The following NDUFV2 variants were observed in gnomAD, a reference collection of about 807,000 sequenced individuals.
NDUFV2 encodes NADH dehydrogenase [ubiquinone] flavoprotein 2, mitochondrial.
Under a neutral mutation model 31.6 loss-of-function variants are expected in NDUFV2, and 18 were observed. The observed-to-expected ratio is 0.57, with a 90% CI of 0.39 to 0.84. The LOEUF (loss-of-function observed/expected upper bound fraction) is 0.84. NDUFV2 is among the 40% of genes least tolerant of loss of function. NDUFV2 has a pLI of 0.00. For synonymous variants in NDUFV2, 83 were observed against 99.8 expected, an observed-to-expected ratio of 0.83 and a Z score of 1.01; for missense variants, 314 against 303.6, an observed-to-expected ratio of 1.03 and a Z score of -0.26.
At chr18:9,126,973 A>G in intron 7 of NDUFV2, 66 bp downstream of exon 7, 1 of 1,305,652 alleles carries the variant, frequency 7.7e-7, no homozygotes, top group Non-Finnish European at 1.1e-6. Flanking sequence ...GATAAACTTG[A>G]TTTAAAAAAT....
intron 1 of NDUFV2, among the ~76,000 whole-genome samples, chr18:9,108,315 A>G (rs1239019319): frequency 1.3e-5 from 2 of 152,138 alleles, no homozygotes; most frequent in Non-Finnish European, 2.9e-5. Flanking sequence ...TATTTGGAGG[A>G]TGTTTGTAAA....
At chr18:9,120,483 A>T (rs1231740119) in intron 4 of NDUFV2, among the ~76,000 whole-genome samples, 1 of 152,148 alleles carries the variant, frequency 6.6e-6, no homozygotes, top group Non-Finnish European at 1.5e-5. Flanking sequence ...ACTGACTATA[A>T]CAGAGATTTT....
intron 1 of NDUFV2, among the ~76,000 whole-genome samples, chr18:9,107,325 T>A (rs1294517856): frequency 1.3e-5 from 2 of 152,220 alleles, no homozygotes; most frequent in African/African-American, 4.8e-5. Context: ...GAACATTGAG[T>A]AATAAATTAC....
chr18:9,129,929 A>T (rs1193411456), intron 7 of NDUFV2, among the ~76,000 whole-genome samples: 2 of 152,214 alleles, frequency 1.3e-5, no homozygotes, highest in Admixed American at 1.3e-4. Flanking sequence ...ATGTGGGACT[A>T]AGGATTTATG....
At chr18:9,112,662 T>G (rs2077877597) in intron 1 of NDUFV2, 1 of 152,170 alleles carries the variant, frequency 6.6e-6, no homozygotes, top group African/African-American at 2.4e-5. Context: ...TTTGTATTTT[T>G]TGGTAGAGAT....
intron 1 of NDUFV2, among the ~76,000 whole-genome samples, chr18:9,114,855 T>C (rs2077890220): frequency 6.6e-6 from 1 of 152,210 alleles, no homozygotes; most frequent in Non-Finnish European, 1.5e-5. Context: ...AGCAAGAGAA[T>C]GCCTCAGAAT....
chr18:9,104,945 C>T, intron 1 of NDUFV2: 5 of 1,550,596 alleles, frequency 3.2e-6, no homozygotes, highest in Non-Finnish European at 4.4e-6. Context: ...ACATAACAGA[C>T]CTTACAGACA....
chr18:9,120,173 G>A (rs190160010), intron 4 of NDUFV2, among the ~76,000 whole-genome samples: 6 of 152,062 alleles, frequency 3.9e-5, no homozygotes, highest in East Asian at 1.9e-4. Flanking sequence ...AAGTTTATTC[G>A]TATCCTGTTA....
In NDUFV2 at chr18:9,119,486, A is replaced by G; in HGVS notation, c.196A>G (p.Ile66Val). ...TTCTTTTATACAGAGGATAGAGGCAATTGTAAAAAACTATCCAGAAGGCCA... is the reference window on the plus strand; with the variant it reads ...TTCTTTTATACAGAGGATAGAGGCAGTTGTAAAAAACTATCCAGAAGGCCA... Reference protein sequence around the residue: ...TPENYKRIEAIVKNYPEGHKA... With the variant: ...TPENYKRIEAVVKNYPEGHKA... The change falls in exon 4 of 8, where the codon ATT becomes GTT. Residue 66 changes from isoleucine (I) to valine (V), a missense_variant. Ile to Val is a conservative substitution (Grantham distance 29). Coordinates refer to ENST00000318388, the MANE Select transcript of NDUFV2 (RefSeq NM_021074.5). 6.2e-7 allele frequency: 1 copy of G among 1,613,604 alleles called. No homozygotes were observed.
chr18:9,116,672 CTTAT>C lies in NDUFV2; in HGVS notation c.55-1160_55-1157del, dbSNP rs533858408. On this transcript the variant is annotated intron_variant, in intron 1 of 7. Coordinates refer to ENST00000318388, the MANE Select transcript of NDUFV2 (RefSeq NM_021074.5). ...AATTAAAGCAGATGTTCCATGTAAA[CTTAT>C]TTATTAATATTTCTTCAACTGAAAT... Among the ~76,000 whole-genome samples the C allele has an allele frequency of 1.9e-3, 287 of 152,324 alleles. 1 individual carries two copies. The highest frequency in any genetic ancestry group is 2.6e-3 in the Non-Finnish European group (176 of 68,028).
At chr18:9,104,217 C>G in intron 1 of NDUFV2, 1 of 1,612,656 alleles carries the variant, frequency 6.2e-7, no homozygotes, top group Non-Finnish European at 8.5e-7. Context: ...CCACCCTCTG[C>G]TGTTGGAGGT....
At chr18:9,131,858 AAC>A (rs1323262432) in intron 7 of NDUFV2, among the ~76,000 whole-genome samples, 1 of 152,174 alleles carries the variant, frequency 6.6e-6, no homozygotes, top group Non-Finnish European at 1.5e-5. Context: ...GTAAGTGAAA[AAC>A]ACTAGTGTAA....
At chr18:9,120,162 C>A (rs1228905940) in intron 4 of NDUFV2, among the ~76,000 whole-genome samples, 1 of 152,044 alleles carries the variant, frequency 6.6e-6, no homozygotes, top group African/African-American at 2.4e-5. Context: ...ATACAAATTT[C>A]AAGTTTATTC....
chr18:9,131,821 G>T (rs2078042789), intron 7 of NDUFV2, among the ~76,000 whole-genome samples: 3 of 151,718 alleles, frequency 2.0e-5, no homozygotes, highest in Admixed American at 2.0e-4. Flanking sequence ...TTAAGCATGA[G>T]ATATCAGGAA....
intron 1 of NDUFV2, chr18:9,103,912 A>G (rs1598339762): frequency 2.2e-6 from 1 of 450,766 alleles, no homozygotes; most frequent in Non-Finnish European, 4.0e-6. Context: ...TACATTCCAC[A>G]TCTCATTTTT....
At chr18:9,132,349 A>C (rs1286578728) in intron 7 of NDUFV2, 1 of 152,198 alleles carries the variant, frequency 6.6e-6, no homozygotes, top group Non-Finnish European at 1.5e-5. Flanking sequence ...ATATCTATCC[A>C]AACTGGTAAG....
At chr18:9,121,978 T>C (rs894316069) in intron 4 of NDUFV2, among the ~76,000 whole-genome samples, 2 of 152,190 alleles carry the variant, frequency 1.3e-5, no homozygotes, top group Non-Finnish European at 2.9e-5. Context: ...TATGTAGAGA[T>C]ATAAAATTTT....
chr18:9,130,337 T>C (rs1023432067), intron 7 of NDUFV2, among the ~76,000 whole-genome samples: 2 of 152,240 alleles, frequency 1.3e-5, no homozygotes, highest in East Asian at 1.9e-4. Flanking sequence ...ATGTTACTTA[T>C]CAGTAATCAT....
chr18:9,128,937 C>A (rs372154215), intron 7 of NDUFV2, among the ~76,000 whole-genome samples: 5 of 152,064 alleles, frequency 3.3e-5, no homozygotes, highest in East Asian at 1.9e-4. Context: ...CTTCCTCCCC[C>A]CCACTCCTCC....
Sources: gnomAD v4.1 joint callset for allele counts (sites outside exome capture counted in the v4.1 genomes callset) on GRCh38, gnomAD v4.1.1 for gene constraint, MANE v1.5 for transcripts, NCBI Gene and HGNC (gene_info 2026-07-23, HGNC 2026-07-21) for gene names.